TENM1: variants seen among roughly 807,000 people sequenced by gnomAD.
TENM1 encodes the protein teneurin-1.
TENM1 carries 35 observed loss-of-function variants against 174.8 expected under a neutral mutation model. That is an observed-to-expected ratio of 0.20 (90% confidence interval 0.15 to 0.27). The LOEUF (loss-of-function observed/expected upper bound fraction) is 0.27, where lower values mean the gene tolerates loss of function less well. Among genes scored for constraint, TENM1 ranks in the 10% least tolerant of loss-of-function variants. The probability of loss-of-function intolerance (pLI) is 1.00; values close to 1 mark genes in which losing one functional copy is unlikely to be tolerated. For missense variants in TENM1, 1,633 were observed against 2,130.1 expected, an observed-to-expected ratio of 0.77 and a Z score of 4.59; for synonymous variants, 781 against 798.7, an observed-to-expected ratio of 0.98 and a Z score of 0.37.
At chrX:125,122,842 T>C in the TENM1 span, among the ~76,000 whole-genome samples, 3 of 63,373 alleles carry the variant, frequency 4.7e-5, no homozygotes, top group Non-Finnish European at 1.2e-4. Context: ...TTATTTTTAA[T>C]TAAAAAACAG....
chrX:124,691,235 T>A (rs952090826), intron 5 of TENM1, among the ~76,000 whole-genome samples: 2 of 111,778 alleles, frequency 1.8e-5, no homozygotes, highest in Non-Finnish European at 3.8e-5. Context: ...TATATTCCCC[T>A]GAGGGTATAC....
chrX:125,020,408 A>G, the TENM1 span, among the ~76,000 whole-genome samples: 2 of 110,513 alleles, frequency 1.8e-5, no homozygotes, highest in African/African-American at 6.5e-5. Flanking sequence ...CTATATAATT[A>G]TAGGATACTT....
At chrX:124,454,932 G>C (rs748622022) in intron 22 of TENM1, among the ~76,000 whole-genome samples, 1 of 111,653 alleles carries the variant, frequency 9.0e-6, no homozygotes, top group Non-Finnish European at 1.9e-5. Flanking sequence ...GCTAACAAGC[G>C]TGTCCTTTTA....
intron 1 of TENM1, among the ~76,000 whole-genome samples, chrX:124,926,320 A>T (rs1316099511): frequency 9.0e-6 from 1 of 111,663 alleles, no homozygotes; most frequent in African/African-American, 3.2e-5. Context: ...CTTAAAATGA[A>T]GATAACAATA....
exon 18 of TENM1, chrX:124,520,669 G>T: frequency 8.3e-7 from 1 of 1,210,820 alleles, no homozygotes; most frequent in Non-Finnish European, 1.1e-6. Context: ...CATGCCTACA[G>T]GAATCGTTGA....
intron 23 of TENM1, among the ~76,000 whole-genome samples, chrX:124,432,460 G>A (rs1027414250): frequency 7.2e-5 from 8 of 111,686 alleles, no homozygotes; most frequent in South Asian, 3.8e-4. Flanking sequence ...CCAGGCTGGC[G>A]TGCAGTGGCA....
At position 124,492,499 on chromosome X, in the gene TENM1, CT is replaced by C. The variant is rs1289513715; in HGVS notation, c.3695+4516del. Among the ~76,000 whole-genome samples the C allele has an allele frequency of 6.1e-3, 620 of 101,240 alleles. 6 individuals are homozygous for C. The highest frequency in any genetic ancestry group is 0.017 in the African/African-American group (485 of 28,166). 87.9% of individuals were successfully genotyped at this position (101,240 alleles called of 115,157 possible). ...TATAGGCAACTGATCAGGATAGATG[CT>C]TTTTTTTTTTTAAAAGTGAATCTAA... is the stretch of plus-strand genomic sequence containing the variant. On this transcript the variant is annotated intron_variant, in intron 20 of 31. Coordinates refer to ENST00000422452, the Ensembl canonical transcript of TENM1.
upstream of TENM1, among the ~76,000 whole-genome samples, chrX:124,966,901 T>A (rs764291729): frequency 1.8e-5 from 2 of 111,546 alleles, no homozygotes; most frequent in South Asian, 7.6e-4. Context: ...CAATACATGT[T>A]GAATGAATAA....
chrX:124,377,838 A>G (rs1297003170), exon 32 of TENM1: 1 of 111,841 alleles, frequency 8.9e-6, no homozygotes, highest in African/African-American at 3.3e-5. Context: ...ATGCAAACGA[A>G]TTGTTCTTTC....
At chrX:124,508,003 G>A (rs772282853) in intron 18 of TENM1, among the ~76,000 whole-genome samples, 1 of 111,889 alleles carries the variant, frequency 8.9e-6, no homozygotes, top group Non-Finnish European at 1.9e-5. Context: ...TCTCCGAAAG[G>A]AATTATTGAA....
the TENM1 span, among the ~76,000 whole-genome samples, chrX:125,051,414 G>A: frequency 9.1e-5 from 10 of 110,075 alleles, no homozygotes; most frequent in Non-Finnish European, 1.9e-4. Flanking sequence ...GAACAAAGCT[G>A]GAGGCATCAC....
chrX:124,776,264 A>C (rs1391070635), intron 3 of TENM1, among the ~76,000 whole-genome samples: 1 of 111,869 alleles, frequency 8.9e-6, no homozygotes, highest in Non-Finnish European at 1.9e-5. Flanking sequence ...TGAACCCAGA[A>C]GAAAGGCATG....
intron 3 of TENM1, among the ~76,000 whole-genome samples, chrX:124,776,707 A>T (rs1240550661): frequency 6.3e-5 from 7 of 111,546 alleles, no homozygotes; most frequent in Non-Finnish European, 1.3e-4. Flanking sequence ...AGGCCAAAAG[A>T]AGTGGGAGAT....
intron 18 of TENM1, among the ~76,000 whole-genome samples, chrX:124,515,932 A>G (rs554362680): frequency 7.2e-5 from 8 of 111,317 alleles, no homozygotes; most frequent in South Asian, 7.5e-4. Context: ...GAGGCATCAC[A>G]TTACTCAACT....
At chrX:124,650,200 C>CAA (rs755570562) in intron 8 of TENM1, among the ~76,000 whole-genome samples, 30 of 24,825 alleles carry the variant, frequency 1.2e-3, no homozygotes, top group East Asian at 5.1e-3. Flanking sequence ...AAACTGTCTC[C>CAA]AAAAAAAAAA....
At chrX:124,927,440 C>T (rs1389183735) in intron 1 of TENM1, among the ~76,000 whole-genome samples, 1 of 111,597 alleles carries the variant, frequency 9.0e-6, no homozygotes, top group Non-Finnish European at 1.9e-5. Flanking sequence ...ACTTTACTGG[C>T]CAGAGCCCAC....
chrX:125,091,228 A>G, the TENM1 span, among the ~76,000 whole-genome samples: 1 of 111,004 alleles, frequency 9.0e-6, no homozygotes, highest in African/African-American at 3.3e-5. Flanking sequence ...AAGAGAAAAA[A>G]AAAAGCTTGA....
chrX:124,759,541 C>A (rs750611820), intron 3 of TENM1, among the ~76,000 whole-genome samples: 23 of 111,260 alleles, frequency 2.1e-4, no homozygotes, highest in Non-Finnish European at 3.4e-4. Context: ...CATAGATTAG[C>A]TCCCAGTTAT....
intron 1 of TENM1, among the ~76,000 whole-genome samples, chrX:124,897,699 G>T: frequency 8.9e-6 from 1 of 112,087 alleles, no homozygotes; most frequent in Middle Eastern, 4.7e-3. Flanking sequence ...CTCTTTCAGG[G>T]TTATAAGTCA....
Sources: allele counts gnomAD v4.1 joint callset (sites outside exome capture counted in the v4.1 genomes callset), GRCh38; gene constraint gnomAD v4.1.1; transcripts MANE v1.5; gene names NCBI Gene and HGNC (gene_info 2026-07-23, HGNC 2026-07-21).